CCDC60: variants seen among roughly 807,000 people sequenced by gnomAD.
CCDC60 encodes coiled-coil domain-containing protein 60.
In CCDC60, 54 loss-of-function variants were observed where a neutral mutation model predicts 63.5. That is an observed-to-expected ratio of 0.85 (90% CI 0.68 to 1.07). The LOEUF (loss-of-function observed/expected upper bound fraction) is 1.07, where lower values mean the gene tolerates loss of function less well. Among genes scored for constraint, CCDC60 ranks in the 50% least tolerant of loss-of-function variants. CCDC60 has a pLI of 0.00. For synonymous variants in CCDC60, 206 were observed against 238.8 expected (o/e 0.86, Z 1.27); for missense variants, 651 against 684.3 (o/e 0.95, Z 0.54).
intron 1 of CCDC60, among the ~76,000 whole-genome samples, chr12:119,364,318 A>G (rs576551778): frequency 3.3e-5 from 5 of 152,358 alleles, no homozygotes; most frequent in Admixed American, 2.6e-4. Flanking sequence ...ATCCTAATCA[A>G]GATATAGAGC....
chr12:119,384,759 T>C (rs1356351910), intron 1 of CCDC60, among the ~76,000 whole-genome samples: 1 of 152,228 alleles, frequency 6.6e-6, no homozygotes, highest in Non-Finnish European at 1.5e-5. Flanking sequence ...CATGTCACCA[T>C]GTCACTGGTA....
intron 1 of CCDC60, among the ~76,000 whole-genome samples, chr12:119,368,664 ATGCCCTTT>A (rs1314894055): frequency 6.6e-6 from 1 of 152,196 alleles, no homozygotes; most frequent in Non-Finnish European, 1.5e-5. Flanking sequence ...TTTCAAATAC[ATGCCCTTT>A]TGCCCTCAGC....
intron 5 of CCDC60, among the ~76,000 whole-genome samples, chr12:119,494,490 T>C (rs1951671878): frequency 6.6e-6 from 1 of 152,146 alleles, no homozygotes; most frequent in African/African-American, 2.4e-5. Flanking sequence ...GGGCCCACTG[T>C]TTAGTGGGGA....
chr12:119,450,430 A>T (rs1481779206), intron 2 of CCDC60, among the ~76,000 whole-genome samples: 1 of 152,228 alleles, frequency 6.6e-6, no homozygotes, highest in Non-Finnish European at 1.5e-5. Context: ...AAAAATTTTT[A>T]AAATAAAGGA....
chr12:119,373,128 T>A (rs1331999609), intron 1 of CCDC60, among the ~76,000 whole-genome samples: 1 of 152,110 alleles, frequency 6.6e-6, no homozygotes, highest in Non-Finnish European at 1.5e-5. Context: ...GGCGTCTCCT[T>A]TACAAAGTAC....
chr12:119,527,853 G>C (rs1425290624), intron 11 of CCDC60, among the ~76,000 whole-genome samples: 1 of 150,326 alleles, frequency 6.7e-6, no homozygotes, highest in South Asian at 2.1e-4. Context: ...ATTTTTTTTT[G>C]TATTTTTTTA....
intron 1 of CCDC60, among the ~76,000 whole-genome samples, chr12:119,414,739 G>A (rs767838277): frequency 3.3e-5 from 5 of 151,944 alleles, no homozygotes; most frequent in African/African-American, 4.8e-5. Context: ...TTTGTAGAGA[G>A]AGAGGTCTCA....
chr12:119,354,864 T>C (rs1955700231), intron 1 of CCDC60, among the ~76,000 whole-genome samples: 1 of 152,162 alleles, frequency 6.6e-6, no homozygotes, highest in Non-Finnish European at 1.5e-5. Flanking sequence ...CTTCTTGGGT[T>C]AAAGAGGCAG....
At chr12:119,413,452 A>G (rs1338796611) in intron 1 of CCDC60, among the ~76,000 whole-genome samples, 1 of 152,208 alleles carries the variant, frequency 6.6e-6, no homozygotes, top group Non-Finnish European at 1.5e-5. Context: ...CGCGGGGGGA[A>G]CATTTTCGTG....
intron 1 of CCDC60, among the ~76,000 whole-genome samples, chr12:119,373,708 G>A (rs1294936529): frequency 6.6e-6 from 1 of 151,884 alleles, no homozygotes; most frequent in Admixed American, 6.6e-5. Context: ...AATGAGATGG[G>A]GGGCGTCCCC....
chr12:119,491,932 A>G (rs142556312), intron 5 of CCDC60, among the ~76,000 whole-genome samples: 2 of 152,320 alleles, frequency 1.3e-5, no homozygotes, highest in East Asian at 3.9e-4. Flanking sequence ...GGTTGGTTTT[A>G]GAAATGTGCT....
intron 13 of CCDC60, among the ~76,000 whole-genome samples, chr12:119,540,089 T>A (rs1172014368): frequency 6.6e-6 from 1 of 152,136 alleles, no homozygotes; most frequent in Non-Finnish European, 1.5e-5. Context: ...TCTGTGTTGA[T>A]CTCACTGGGA....
chr12:119,533,168 G>A (rs1952905632), intron 13 of CCDC60, among the ~76,000 whole-genome samples: 2 of 152,204 alleles, frequency 1.3e-5, no homozygotes, highest in Non-Finnish European at 2.9e-5. Flanking sequence ...CTAATGACCA[G>A]TGATGATGAG....
chr12:119,509,240 G>GT (rs1952142192), intron 7 of CCDC60, among the ~76,000 whole-genome samples: 1 of 152,100 alleles, frequency 6.6e-6, no homozygotes, highest in South Asian at 2.1e-4. Flanking sequence ...AAAAATTTGT[G>GT]TTTTTTTGAA....
At chr12:119,359,188 T>G (rs1051501005) in intron 1 of CCDC60, among the ~76,000 whole-genome samples, 2 of 152,236 alleles carry the variant, frequency 1.3e-5, no homozygotes, top group East Asian at 3.8e-4. Context: ...TGCATTTCCT[T>G]AATGCCTAAT....
At chr12:119,346,128 C>T (rs2136148074) in intron 1 of CCDC60, among the ~76,000 whole-genome samples, 1 of 151,760 alleles carries the variant, frequency 6.6e-6, no homozygotes, top group Middle Eastern at 3.4e-3. Flanking sequence ...CCTGGCCTGG[C>T]TGTATGACTT....
intron 7 of CCDC60, among the ~76,000 whole-genome samples, chr12:119,509,189 C>G (rs575847418): frequency 2.3e-4 from 35 of 152,296 alleles, no homozygotes; most frequent in African/African-American, 8.4e-4. Context: ...ACTAGGGGCA[C>G]ATACGGAGAT....
At chr12:119,358,784 T>G (rs1024723728) in intron 1 of CCDC60, among the ~76,000 whole-genome samples, 2 of 152,266 alleles carry the variant, frequency 1.3e-5, no homozygotes, top group African/African-American at 4.8e-5. Context: ...TTGTTCATTA[T>G]CATTGCTATA....
At chr12:119,383,504 G>T (rs977910130) in intron 1 of CCDC60, among the ~76,000 whole-genome samples, 1 of 152,208 alleles carries the variant, frequency 6.6e-6, no homozygotes, top group African/African-American at 2.4e-5. Flanking sequence ...TAGCCACAGA[G>T]TATGGAGATG....
Sources: gnomAD v4.1 joint callset for allele counts (sites outside exome capture counted in the v4.1 genomes callset) on GRCh38, gnomAD v4.1.1 for gene constraint, MANE v1.5 for transcripts, NCBI Gene and HGNC (gene_info 2026-07-23, HGNC 2026-07-21) for gene names.